The following EYA2 variants were observed in gnomAD, a reference collection of about 807,000 sequenced individuals.
The protein encoded by EYA2 is protein phosphatase EYA2.
EYA2 carries 31 observed loss-of-function variants against 69.2 expected under a neutral mutation model. That is an observed-to-expected ratio of 0.45 (90% CI 0.34 to 0.60). The LOEUF (loss-of-function observed/expected upper bound fraction) is 0.60, where lower values mean the gene tolerates loss of function less well. EYA2 is among the 20% of genes least tolerant of loss of function. The pLI is 0.02. For missense variants in EYA2, 622 were observed against 701.2 expected, an observed-to-expected ratio of 0.89 and a Z score of 1.28; for synonymous variants, 257 against 279.4, an observed-to-expected ratio of 0.92 and a Z score of 0.80.
chr20:47,153,904 G>A lies in EYA2; in HGVS notation c.978+10756G>A, dbSNP rs762026417. Reference sequence around the variant, plus strand: ...TGGCTGACTTTCCACTTCTTCGTCTGAACCAGATCTCAATAATAACTGACA... The same window carrying A: ...TGGCTGACTTTCCACTTCTTCGTCTAAACCAGATCTCAATAATAACTGACA... On this transcript the variant is annotated intron_variant, in intron 10 of 15. Coordinates refer to ENST00000327619, the MANE Select transcript of EYA2 (RefSeq NM_005244.5). 3.3e-5 allele frequency among the ~76,000 whole-genome samples: 5 copies of A among 152,026 alleles called. 1 individual carries two copies. Among genetic ancestry groups the A allele is most frequent in the South Asian group, 2.1e-4 (1 of 4,762 alleles).
In EYA2 at chr20:47,018,227, G is replaced by A. The variant is rs539737461; in HGVS notation, c.415+1930G>A. 3.9e-5 allele frequency among the ~76,000 whole-genome samples: 6 copies of A among 152,244 alleles called. No individual in the cohort carries two copies. In the East Asian group the frequency reaches 7.7e-4, roughly 20 times the overall value. ...GCCACAGAGGTTGAAATGGAGACCCGGTCCCCGTATCCCATTTTGACACCC... is the reference window on the plus strand; with the variant it reads ...GCCACAGAGGTTGAAATGGAGACCCAGTCCCCGTATCCCATTTTGACACCC... On this transcript the variant is annotated intron_variant, in intron 5 of 15. Transcript: ENST00000327619.
intron 1 of EYA2, among the ~76,000 whole-genome samples, chr20:46,969,316 C>T (rs936119465): frequency 6.6e-6 from 1 of 152,154 alleles, no homozygotes; most frequent in African/African-American, 2.4e-5. Context: ...CTCCTGGGCT[C>T]AAGCCATCCT....
At chr20:46,964,085 C>T (rs763374773) in intron 1 of EYA2, among the ~76,000 whole-genome samples, 2 of 152,204 alleles carry the variant, frequency 1.3e-5, no homozygotes, top group Non-Finnish European at 2.9e-5. Flanking sequence ...GTGTGTTGCA[C>T]ATGAGGTCAG....
chr20:47,081,375 C>T (rs890679229), intron 7 of EYA2, among the ~76,000 whole-genome samples: 5 of 151,926 alleles, frequency 3.3e-5, no homozygotes, highest in African/African-American at 1.2e-4. Context: ...TTGATTTAGC[C>T]ATCCCCAATA....
intron 9 of EYA2, among the ~76,000 whole-genome samples, chr20:47,130,049 G>C (rs1201976064): frequency 6.7e-6 from 1 of 149,550 alleles, no homozygotes; most frequent in African/African-American, 2.5e-5. Flanking sequence ...GATCAAATGA[G>C]GATGGCTAGC....
chr20:47,064,656 T>G (rs1448372257), intron 5 of EYA2, among the ~76,000 whole-genome samples: 3 of 152,218 alleles, frequency 2.0e-5, no homozygotes, highest in Non-Finnish European at 2.9e-5. Context: ...TTTTTCTTTT[T>G]CTTTTTCTAT....
In EYA2 at chr20:47,038,297, C is replaced by T. The variant is rs141444422; in HGVS notation, c.415+22000C>T. 4.8e-3 allele frequency among the ~76,000 whole-genome samples: 724 copies of T among 152,140 alleles called. 3 individuals carry two copies. The highest frequency in any genetic ancestry group is 0.017 in the African/African-American group (686 of 41,492). ...GGAGGATCACTTGAACCCAGGAGTT[C>T]GAGACCAGCCTGGGCAACATGGCAA... is the stretch of plus-strand genomic sequence containing the variant. On this transcript the variant is annotated intron_variant, in intron 5 of 15. Transcript: ENST00000327619.
intron 5 of EYA2, among the ~76,000 whole-genome samples, chr20:47,042,449 G>A (rs1263663037): frequency 6.6e-6 from 1 of 152,212 alleles, no homozygotes; most frequent in Non-Finnish European, 1.5e-5. Flanking sequence ...GGTAGAAAGA[G>A]CCAAACTGGA....
chr20:47,154,918 T>TCACTGCCAG (rs1342216169), intron 10 of EYA2, among the ~76,000 whole-genome samples: 2 of 150,998 alleles, frequency 1.3e-5, no homozygotes, highest in Non-Finnish European at 2.9e-5. Context: ...CGATCTCAGC[T>TCACTGCCAG]CACTGCAACC....
chr20:47,075,432 G>C (rs2031481322), intron 7 of EYA2, among the ~76,000 whole-genome samples: 1 of 152,110 alleles, frequency 6.6e-6, no homozygotes. Context: ...GAGCTTGCTA[G>C]TGATTGGTGG....
intron 1 of EYA2, among the ~76,000 whole-genome samples, chr20:46,958,995 A>G (rs77089088): frequency 1.3e-5 from 2 of 152,242 alleles, no homozygotes; most frequent in East Asian, 1.9e-4. Context: ...ATAGTGTTGC[A>G]GTGAACATAC....
chr20:47,042,621 C>T (rs1311750756), intron 5 of EYA2, among the ~76,000 whole-genome samples: 1 of 152,164 alleles, frequency 6.6e-6, no homozygotes, highest in Non-Finnish European at 1.5e-5. Flanking sequence ...CTCAAAGAAC[C>T]CACAGCACCT....
At chr20:46,987,972 A>C (rs867755870) in intron 1 of EYA2, among the ~76,000 whole-genome samples, 371 of 33,036 alleles carry the variant, frequency 0.011, 6 homozygotes, top group African/African-American at 0.021. Flanking sequence ...CTCTATATAT[A>C]TATATATATA....
chr20:46,980,793 C>T (rs1295051298), intron 1 of EYA2, among the ~76,000 whole-genome samples: 1 of 152,196 alleles, frequency 6.6e-6, no homozygotes, highest in Admixed American at 6.5e-5. Flanking sequence ...TAATCACAGT[C>T]TACTCTCTAT....
At chr20:47,009,219 T>C (rs1982912920) in intron 4 of EYA2, among the ~76,000 whole-genome samples, 1 of 152,168 alleles carries the variant, frequency 6.6e-6, no homozygotes, top group South Asian at 2.1e-4. Context: ...ACACACAGAA[T>C]GTCCATGTCA....
intron 5 of EYA2, among the ~76,000 whole-genome samples, chr20:47,047,396 C>CTTTTTTTTTTTTTTT (rs775373584): frequency 1.3e-5 from 2 of 148,160 alleles, no homozygotes; most frequent in Non-Finnish European, 1.5e-5. Flanking sequence ...CTCTCTCTCT[C>CTTTTTTTTTTTTTTT]TTTTTTTTGA....
chr20:47,139,497 A>G (rs1367154161), intron 9 of EYA2, among the ~76,000 whole-genome samples: 2 of 152,142 alleles, frequency 1.3e-5, no homozygotes, highest in Non-Finnish European at 2.9e-5. Flanking sequence ...CAGTGGCACA[A>G]TCTCGGCTCA....
intron 2 of EYA2, among the ~76,000 whole-genome samples, chr20:46,997,233 CACTATCATGAGAACAGGATAGAACTT>C (rs1344773203): frequency 1.3e-5 from 2 of 152,276 alleles, no homozygotes; most frequent in East Asian, 3.9e-4. Flanking sequence ...AAAACTTACT[CACTATCATGAGAACAGGATAGAACTT>C]ACTATCATGA....
chr20:46,976,904 C>T (rs1458332615), intron 1 of EYA2, among the ~76,000 whole-genome samples: 1 of 74,612 alleles, frequency 1.3e-5, no homozygotes, highest in Non-Finnish European at 3.2e-5. Context: ...AGACCTGCTC[C>T]AGTCATGTGG....
Sources: allele counts gnomAD v4.1 joint callset (sites outside exome capture counted in the v4.1 genomes callset), GRCh38; gene constraint gnomAD v4.1.1; transcripts MANE v1.5; gene names NCBI Gene and HGNC (gene_info 2026-07-23, HGNC 2026-07-21).